MYPN: variants seen among roughly 807,000 people sequenced by gnomAD.
The protein encoded by MYPN is sarcomeric protein myopalladin, 145 kDa (MYOP).
Under a neutral mutation model 129.4 loss-of-function variants are expected in MYPN, and 63 were observed. The ratio of observed to expected loss-of-function variants is 0.49; its 90% CI spans 0.40 to 0.60. The LOEUF (loss-of-function observed/expected upper bound fraction) is 0.60. Ranked by LOEUF, MYPN falls within the 20% of genes least tolerant of loss-of-function variation. The probability of loss-of-function intolerance (pLI) is 0.00; values close to 1 mark genes in which losing one functional copy is unlikely to be tolerated. For synonymous variants in MYPN, 629 were observed against 600.9 expected (o/e 1.05, Z -0.68); for missense variants, 1,596 against 1,635.4 (o/e 0.98, Z 0.42).
At chr10:68,110,309 G>T (rs1473244686) in intron 1 of MYPN, among the ~76,000 whole-genome samples, 1 of 151,880 alleles carries the variant, frequency 6.6e-6, no homozygotes, top group African/African-American at 2.4e-5. Context: ...AGCTGCATCA[G>T]AAAGACACTT....
At chr10:68,099,647 A>AG in intron 1 of MYPN, among the ~76,000 whole-genome samples, 2 of 152,052 alleles carry the variant, frequency 1.3e-5, no homozygotes, top group Non-Finnish European at 2.9e-5. Flanking sequence ...CTCAAAAAAA[A>AG]AAAAGTAACT....
chr10:68,174,344 C>A lies in MYPN; in HGVS notation c.2252C>A (p.Pro751His). ...CCGGTGTTCACTTTGAGCAGCACTC[C>A]TCAAACTATTCAGAGGACAGTGAGC... ...SSPVFTLSST[P>H]QTIQRTVSKE... The change falls in exon 11 of 20, where the codon CCT becomes CAT. Residue 751 changes from proline to histidine, a missense_variant. By Grantham distance (77) the Pro-to-His change is moderately conservative. Transcript: ENST00000358913. 2 of 1,614,136 alleles carry A rather than the reference C, an allele frequency of 1.2e-6. No homozygotes were observed. Among genetic ancestry groups the A allele is most frequent in the East Asian group, 2.2e-5 (1 of 44,880 alleles).
At chr10:68,143,317 TAAAC>T (rs1473321130) in intron 3 of MYPN, among the ~76,000 whole-genome samples, 2 of 151,998 alleles carry the variant, frequency 1.3e-5, no homozygotes, top group Non-Finnish European at 2.9e-5. Context: ...ATAAACAAGA[TAAAC>T]AAATAAAATA....
At chr10:68,136,526 G>T in intron 2 of MYPN, 3 of 1,413,802 alleles carry the variant, frequency 2.1e-6, no homozygotes, top group Non-Finnish European at 2.8e-6. Context: ...TCAGAAGCCA[G>T]CCTGATCCCT....
intron 8 of MYPN, chr10:68,162,188 AAC>A (rs55844102): frequency 0.37 from 43,198 of 116,308 alleles, 8,570 homozygotes; most frequent in Non-Finnish European, 0.52. Context: ...AAAAAAAAAA[AAC>A]ATCCAAATGA....
At chr10:68,142,891 T>C (rs370788812) in intron 2 of MYPN, 49 bp from the exon 3 acceptor site, 5 of 1,548,078 alleles carry the variant, frequency 3.2e-6, no homozygotes, top group South Asian at 2.2e-5. Flanking sequence ...GTCTATGTTA[T>C]TGTCTTGCAT....
chr10:68,173,509 C>T (rs908264718), intron 10 of MYPN, among the ~76,000 whole-genome samples: 1 of 152,174 alleles, frequency 6.6e-6, no homozygotes, highest in African/African-American at 2.4e-5. Flanking sequence ...AAGACAAACT[C>T]ACCAATTATT....
chr10:68,153,884 C>G (rs2042820702), intron 6 of MYPN, among the ~76,000 whole-genome samples: 1 of 151,306 alleles, frequency 6.6e-6, no homozygotes, highest in African/African-American at 2.4e-5. Context: ...CTATACTGCC[C>G]AACAAAGCAT....
At chr10:68,146,962 T>C (rs1310664929) in intron 4 of MYPN, among the ~76,000 whole-genome samples, 3 of 152,170 alleles carry the variant, frequency 2.0e-5, no homozygotes, top group Non-Finnish European at 4.4e-5. Context: ...TAGCACATCA[T>C]TCTGCTTGAG....
intron 1 of MYPN, among the ~76,000 whole-genome samples, chr10:68,091,740 T>G (rs2041932300): frequency 6.6e-6 from 1 of 151,902 alleles, no homozygotes; most frequent in African/African-American, 2.4e-5. Flanking sequence ...ATTTTCCTTC[T>G]TTTGATGTGC....
At chr10:68,148,116 G>C (rs1482697550) in intron 4 of MYPN, among the ~76,000 whole-genome samples, 1 of 152,058 alleles carries the variant, frequency 6.6e-6, no homozygotes. Context: ...TGACTCCCTG[G>C]CTACACTGAG....
chr10:68,201,015 C>T (rs897642116), intron 17 of MYPN, among the ~76,000 whole-genome samples: 1 of 152,148 alleles, frequency 6.6e-6, no homozygotes, highest in African/African-American at 2.4e-5. Flanking sequence ...GGCCAAATCT[C>T]TAAAAGCCTC....
Position 68,197,453 on chromosome 10 carries a change from G to C in MYPN, c.3260G>C (p.Gly1087Ala), listed in dbSNP as rs199987378. The C allele has an allele frequency of 6.2e-7, 1 of 1,613,992 alleles. No homozygotes were observed. The highest frequency in any genetic ancestry group is 2.2e-5 in the East Asian group (1 of 44,878). ...QAPGDMVAHEGRLCRLDCKVS... is the reference protein window; with the variant it reads ...QAPGDMVAHEARLCRLDCKVS... ...CCTGGGGATATGGTAGCTCATGAGG[G>C]GCGCCTCTGTCGGCTGGACTGTAAG... The change falls in exon 16 of 20, where the codon GGG (glycine) becomes GCG (alanine). Residue 1087 changes from glycine (G) to alanine (A), a missense_variant. Transcript: ENST00000358913.
At chr10:68,094,883 G>A (rs1423341914) in intron 1 of MYPN, among the ~76,000 whole-genome samples, 3 of 151,998 alleles carry the variant, frequency 2.0e-5, no homozygotes, top group Admixed American at 6.6e-5. Context: ...CCAACATAGT[G>A]AATCCCTGTC....
chr10:68,202,311 T>G (rs2043731452), intron 18 of MYPN, among the ~76,000 whole-genome samples: 1 of 152,006 alleles, frequency 6.6e-6, no homozygotes, highest in Non-Finnish European at 1.5e-5. Flanking sequence ...CAGGTGCCTG[T>G]AGTCCCAGCT....
At chr10:68,203,846 T>C (rs928005297) in intron 18 of MYPN, among the ~76,000 whole-genome samples, 1 of 152,164 alleles carries the variant, frequency 6.6e-6, no homozygotes, top group African/African-American at 2.4e-5. Context: ...AGGAACTGCC[T>C]GTATATCACT....
chr10:68,199,078 G>A (rs1023929502), intron 16 of MYPN, among the ~76,000 whole-genome samples: 9 of 151,966 alleles, frequency 5.9e-5, no homozygotes, highest in African/African-American at 1.9e-4. Flanking sequence ...GATGCTGCAG[G>A]CCTATTATAT....
intron 1 of MYPN, among the ~76,000 whole-genome samples, chr10:68,089,482 C>CA (rs1280391970): frequency 9.9e-5 from 15 of 152,194 alleles, no homozygotes; most frequent in African/African-American, 3.4e-4. Flanking sequence ...GCTGGGACTA[C>CA]AGGTGTCTGC....
chr10:68,101,119 A>G (rs2041979762), upstream of MYPN, among the ~76,000 whole-genome samples: 1 of 152,216 alleles, frequency 6.6e-6, no homozygotes, highest in East Asian at 1.9e-4. Flanking sequence ...AGTGACCTAA[A>G]AAGAAAAATT....
Sources: allele counts gnomAD v4.1 joint callset (sites outside exome capture counted in the v4.1 genomes callset), GRCh38; gene constraint gnomAD v4.1.1; transcripts MANE v1.5; gene names NCBI Gene and HGNC (gene_info 2026-07-23, HGNC 2026-07-21).